GRIK2: variants seen among roughly 807,000 people sequenced by gnomAD.
The protein encoded by GRIK2 is glutamate receptor ionotropic, kainate 2.
A neutral mutation model predicts 100.3 loss-of-function variants in GRIK2; 32 were observed. That is an observed-to-expected ratio of 0.32 (90% CI 0.24 to 0.43). The LOEUF is 0.43. Among genes scored for constraint, GRIK2 ranks in the 20% least tolerant of loss-of-function variants. GRIK2 has a pLI of 1.00. For missense variants in GRIK2, 843 were observed against 1,114.9 expected (o/e 0.76, Z 3.47); for synonymous variants, 417 against 389.4 (o/e 1.07, Z -0.83).
chr6:101,861,814 A>C (rs1784750619), intron 11 of GRIK2, among the ~76,000 whole-genome samples: 1 of 152,148 alleles, frequency 6.6e-6, no homozygotes, highest in Admixed American at 6.5e-5. Flanking sequence ...AATCACTGAT[A>C]ATGAGGCTGA....
intron 2 of GRIK2, among the ~76,000 whole-genome samples, chr6:101,609,926 G>A (rs1031096896): frequency 2.6e-5 from 4 of 151,598 alleles, no homozygotes; most frequent in African/African-American, 4.8e-5. Context: ...AGAAGATGAG[G>A]TGTTATTAAT....
intron 10 of GRIK2, among the ~76,000 whole-genome samples, chr6:101,834,986 T>C (rs1020194388): frequency 3.9e-5 from 6 of 152,046 alleles, no homozygotes; most frequent in Non-Finnish European, 8.8e-5. Context: ...CTGGGTGACA[T>C]AGTGAGACCC....
chr6:101,823,048 A>C lies in GRIK2; in HGVS notation c.1317+4565A>C, dbSNP rs561047881. Among the ~76,000 whole-genome samples, 27 of 152,136 alleles carry C rather than the reference A, an allele frequency of 1.8e-4. No individual in the cohort carries two copies. The East Asian group carries it at 5.2e-3, about 29-fold the overall frequency. On this transcript the variant is annotated intron_variant, in intron 10 of 16. Coordinates refer to ENST00000369134, the MANE Select transcript of GRIK2 (RefSeq NM_021956.5). ...GAGATGTGCCTCCAAATATCTAAAC[A>C]TTTTTTCTCTACGGAGAACATTATT...
chr6:101,882,309 A>G (rs1786305968), intron 11 of GRIK2, among the ~76,000 whole-genome samples: 1 of 152,122 alleles, frequency 6.6e-6, no homozygotes, highest in East Asian at 1.9e-4. Context: ...GAAGCATACA[A>G]TTGAGAGTGC....
chr6:101,735,013 A>G (rs1775539138), intron 7 of GRIK2, among the ~76,000 whole-genome samples: 1 of 152,174 alleles, frequency 6.6e-6, no homozygotes, highest in South Asian at 2.1e-4. Flanking sequence ...AGGGATCAAT[A>G]ATGGTGGCCA....
intron 7 of GRIK2, among the ~76,000 whole-genome samples, chr6:101,743,804 T>C (rs1776200249): frequency 6.6e-6 from 1 of 152,182 alleles, no homozygotes; most frequent in South Asian, 2.1e-4. Context: ...TTGCTTAATA[T>C]GAGTATTATT....
chr6:101,434,107 C>T (rs916035437), intron 2 of GRIK2, among the ~76,000 whole-genome samples: 5 of 152,170 alleles, frequency 3.3e-5, no homozygotes, highest in South Asian at 2.1e-4. Context: ...GTGTTTTAGA[C>T]ACTAACGTGC....
At chr6:101,833,004 A>G (rs1782801829) in intron 10 of GRIK2, among the ~76,000 whole-genome samples, 1 of 152,196 alleles carries the variant, frequency 6.6e-6, no homozygotes, top group Admixed American at 6.5e-5. Flanking sequence ...CACAATTTCA[A>G]TAGAATACAC....
Position 101,818,405 on chromosome 6 carries a change from G to A in GRIK2, c.1239G>A (p.Met413Ile), listed in dbSNP as rs1781763547. 3.7e-6 allele frequency: 6 copies of A among 1,611,212 alleles called. No individual in the cohort carries two copies. The highest frequency in any genetic ancestry group is 5.1e-6 in the Non-Finnish European group (6 of 1,177,460). ...GTWDPASGLN[M>I]TESQKGKPAN... Reference sequence around the variant, plus strand: ...GGGATCCAGCCAGTGGCCTGAATATGACAGAAAGTCAAAAGGGAAAGCCAG... The same window carrying A: ...GGGATCCAGCCAGTGGCCTGAATATAACAGAAAGTCAAAAGGGAAAGCCAG... Residue 413 changes from methionine (M) to isoleucine (I), a missense_variant, in exon 10 of 17, where the codon ATG (methionine) becomes ATA (isoleucine). Around this residue, in one of 3 missense-constraint regions of GRIK2, gnomAD observed 519 missense variants for 643.8 expected, o/e 0.81. Coordinates refer to ENST00000369134, the MANE Select transcript of GRIK2 (RefSeq NM_021956.5).
intron 14 of GRIK2, among the ~76,000 whole-genome samples, chr6:101,986,357 C>T (rs574859158): frequency 6.6e-6 from 1 of 151,884 alleles, no homozygotes; most frequent in South Asian, 2.1e-4. Flanking sequence ...AGTTATACTT[C>T]ACACTCAGAA....
intron 4 of GRIK2, among the ~76,000 whole-genome samples, chr6:101,639,313 C>T (rs1295741735): frequency 6.6e-6 from 1 of 152,094 alleles, no homozygotes; most frequent in Non-Finnish European, 1.5e-5. Context: ...GGATTACAGG[C>T]GTGAGCCACC....
intron 15 of GRIK2, among the ~76,000 whole-genome samples, chr6:102,037,677 G>A (rs949926723): frequency 2.6e-5 from 4 of 151,224 alleles, no homozygotes; most frequent in East Asian, 1.9e-4. Context: ...TTATATTGCT[G>A]AGAAACATTT....
chr6:101,500,494 T>A (rs1427598743), intron 2 of GRIK2, among the ~76,000 whole-genome samples: 1 of 152,110 alleles, frequency 6.6e-6, no homozygotes, highest in East Asian at 1.9e-4. Flanking sequence ...ACTTTGCAGA[T>A]AACTACTTTT....
At chr6:101,850,416 T>G (rs1784067431) in intron 10 of GRIK2, among the ~76,000 whole-genome samples, 1 of 151,956 alleles carries the variant, frequency 6.6e-6, no homozygotes, top group Admixed American at 6.6e-5. Flanking sequence ...ACATATCACA[T>G]TAAAATTAAT....
chr6:101,988,441 C>G (rs926648815), intron 14 of GRIK2, among the ~76,000 whole-genome samples: 15 of 151,708 alleles, frequency 9.9e-5, no homozygotes, highest in Non-Finnish European at 1.9e-4. Context: ...CTAATTTTCT[C>G]TATAAAAGGC....
intron 2 of GRIK2, among the ~76,000 whole-genome samples, chr6:101,604,466 G>A (rs1040917455): frequency 2.6e-5 from 4 of 151,754 alleles, no homozygotes; most frequent in Non-Finnish European, 5.9e-5. Context: ...AAAGAACAAG[G>A]CAAGACGATC....
Position 101,672,833 on chromosome 6 carries a change from A to G in GRIK2, c.542-3790A>G, listed in dbSNP as rs143983831. Among the ~76,000 whole-genome samples, 992 of 152,234 alleles carry G rather than the reference A, an allele frequency of 6.5e-3. 8 individuals carry two copies. Among genetic ancestry groups the G allele is most frequent in the Non-Finnish European group, 0.01 (705 of 67,998 alleles). On this transcript the variant is annotated intron_variant, in intron 4 of 16. Transcript: ENST00000369134. ...GTGTATATGTACCACATTTTCTGGT[A>G]TCTAGGTTGATTTCACATCTTTACT...
At chr6:101,649,313 C>G (rs992499152) in intron 4 of GRIK2, among the ~76,000 whole-genome samples, 8 of 152,066 alleles carry the variant, frequency 5.3e-5, no homozygotes, top group Non-Finnish European at 7.4e-5. Flanking sequence ...GTACAGAAAA[C>G]TCACAGAGAG....
chr6:101,662,223 A>C (rs1054174255), intron 4 of GRIK2, among the ~76,000 whole-genome samples: 3 of 152,226 alleles, frequency 2.0e-5, no homozygotes, highest in African/African-American at 7.2e-5. Flanking sequence ...TAGTTGAATG[A>C]TGGCTATGTC....
Sources: gnomAD v4.1 joint callset for allele counts (sites outside exome capture counted in the v4.1 genomes callset) on GRCh38, gnomAD v4.1.1 for gene constraint, gnomAD v4.1.1 regional missense constraint, MANE v1.5 for transcripts, NCBI Gene and HGNC (gene_info 2026-07-23, HGNC 2026-07-21) for gene names.